Variants in LAMC2 observed in about 807,000 individuals in gnomAD.
LAMC2 encodes the protein laminin subunit gamma 2.
LAMC2 carries 97 observed loss-of-function variants against 140.2 expected under a neutral mutation model. That is an observed-to-expected ratio of 0.69 (90% confidence interval 0.59 to 0.82). The LOEUF (loss-of-function observed/expected upper bound fraction) is 0.82. LAMC2 is among the 40% of genes least tolerant of loss of function. The pLI is 0.00. For missense variants in LAMC2, 1,402 were observed against 1,476.1 expected (o/e 0.95, Z 0.82); for synonymous variants, 513 against 540.2 (o/e 0.95, Z 0.70).
chr1:183,226,798 G>C lies in LAMC2; in HGVS notation c.1167G>C (p.Lys389Asn). ...VEQCICPVGYKGQFCQDCASG... is the reference protein window; with the variant it reads ...VEQCICPVGYNGQFCQDCASG... The stretch of plus-strand genomic sequence containing the variant: ...AGTGTATATGTCCTGTTGGGTACAA[G>C]GGGCAATTCTGCCAGGATTGTGCTT... Residue 389 changes from lysine (K) to asparagine (N), a missense_variant, in exon 9 of 23, where the codon AAG becomes AAC. Around this residue, in one of 3 missense-constraint regions of LAMC2, gnomAD observed 723 missense variants for 783.3 expected, o/e 0.92. Coordinates refer to ENST00000264144, the MANE Select transcript of LAMC2 (RefSeq NM_005562.3). The C allele has an allele frequency of 6.2e-7, 1 of 1,614,198 alleles. No homozygotes were observed. Among genetic ancestry groups the C allele is most frequent in the Non-Finnish European group, 8.5e-7 (1 of 1,180,030 alleles).
chr1:183,225,473 C>T, intron 7 of LAMC2, 135 bp from the exon 8 acceptor site: 1 of 704,608 alleles, frequency 1.4e-6, no homozygotes, highest in South Asian at 1.5e-5. Flanking sequence ...GAAAAGGTGG[C>T]TCTCAGTCCT....
chr1:183,236,812 C>A (rs763019837), intron 17 of LAMC2, among the ~76,000 whole-genome samples: 8 of 152,154 alleles, frequency 5.3e-5, no homozygotes, highest in Non-Finnish European at 8.8e-5. Flanking sequence ...TTGACCCATG[C>A]TAAACCTATT....
Position 183,239,583 on chromosome 1 carries a change from T to C in LAMC2, c.3069+20T>C, listed in dbSNP as rs752048039. 1.2e-6 allele frequency: 2 copies of C among 1,601,112 alleles called. No homozygotes were observed. Among genetic ancestry groups the C allele is most frequent in the African/African-American group, 2.7e-5 (2 of 74,528 alleles). ...GAACAGGTAAAGAGAAATCGACATG[T>C]GTGTTGGTGCCAGTAGCACCAAACA... On this transcript the variant is annotated intron_variant, in intron 20 of 22. Coordinates refer to ENST00000264144, the MANE Select transcript of LAMC2 (RefSeq NM_005562.3).
chr1:183,228,317 G>A lies in LAMC2; in HGVS notation c.1469-57G>A, dbSNP rs114674625. 0.021 allele frequency: 33,727 copies of A among 1,612,936 alleles called. 1,102 individuals are homozygous for A. The highest frequency in any genetic ancestry group is 0.11 in the South Asian group (10,074 of 90,870). ...GTGACTCGCAACTTTAGGCCTCTGC[G>A]TCTGGTCTTCCTCCTGATGGATGTC... On this transcript the variant is annotated intron_variant, in intron 10 of 22. Coordinates refer to ENST00000264144, the MANE Select transcript of LAMC2 (RefSeq NM_005562.3). The surrounding 1 kb of genome is among the most constrained non-coding windows in gnomAD (Gnocchi z 4.3).
chr1:183,195,493 C>G (rs1343042738), intron 1 of LAMC2, among the ~76,000 whole-genome samples: 1 of 152,156 alleles, frequency 6.6e-6, no homozygotes, highest in African/African-American at 2.4e-5. Flanking sequence ...TCTGTCATTC[C>G]TCTCATCCTA....
chr1:183,243,612 A>G lies in LAMC2; in HGVS notation c.*212A>G. On this transcript the variant is annotated 3_prime_UTR_variant, in exon 23 of 23. Transcript: ENST00000264144. ...TTCCTGATGCTGGGCAATGAGGCAG[A>G]TAGCACTGGGTGTGAGAATGATCAA... 1 of 616,090 alleles carries G rather than the reference A, an allele frequency of 1.6e-6. No homozygotes were observed. 38.2% of individuals were successfully genotyped at this position (616,090 alleles called of 1,614,324 possible).
intron 1 of LAMC2, among the ~76,000 whole-genome samples, chr1:183,205,799 A>AGG (rs35202651): frequency 7.4e-6 from 1 of 135,518 alleles, no homozygotes; most frequent in Non-Finnish European, 1.7e-5. Flanking sequence ...AAAAGAGAGT[A>AGG]GGGGTGTGTG....
In LAMC2 at chr1:183,213,374, G is replaced by A. The variant is rs149659603; in HGVS notation, c.269-2079G>A. Reference sequence around the variant, plus strand: ...AAAGTCTTCATACAGGCACAGAACCGATATCTTTATCGATTTGAATTCTAC... The same window carrying A: ...AAAGTCTTCATACAGGCACAGAACCAATATCTTTATCGATTTGAATTCTAC... On this transcript the variant is annotated intron_variant, in intron 2 of 22. Coordinates refer to ENST00000264144, the MANE Select transcript of LAMC2 (RefSeq NM_005562.3). 4.7e-3 allele frequency among the ~76,000 whole-genome samples: 714 copies of A among 152,258 alleles called. 4 individuals are homozygous for A. Among genetic ancestry groups the A allele is most frequent in the Middle Eastern group, 0.024 (7 of 294 alleles).
rs369832570 is a variant in LAMC2 at position 183,223,138 on chromosome 1, A to T, written c.767A>T (p.Lys256Ile). ...LDPVYFVAPA[K>I]FLGNQQVSYG... ...CTTTTAAAACTCTGTTTCACAGCCA[A>T]ATTTCTTGGGAATCAACAGGTGAGC... Residue 256 changes from lysine to isoleucine, a missense_variant, in exon 7 of 23, where the codon AAA becomes ATA. This residue lies in a region of LAMC2 where 723 missense variants were observed against 783.3 expected (regional missense o/e 0.92). Coordinates refer to ENST00000264144, the MANE Select transcript of LAMC2 (RefSeq NM_005562.3). 2 of 1,614,020 alleles carry T rather than the reference A, an allele frequency of 1.2e-6. No individual in the cohort carries two copies. Among genetic ancestry groups the T allele is most frequent in the Non-Finnish European group, 8.5e-7 (1 of 1,179,988 alleles).
chr1:183,235,220 G>A (rs1659915950), intron 15 of LAMC2, among the ~76,000 whole-genome samples: 1 of 152,120 alleles, frequency 6.6e-6, no homozygotes, highest in African/African-American at 2.4e-5. Context: ...CGTAAAGGTT[G>A]GATCCTGGGT....
intron 1 of LAMC2, among the ~76,000 whole-genome samples, chr1:183,190,111 T>C (rs1366342722): frequency 6.6e-6 from 1 of 152,182 alleles, no homozygotes; most frequent in Non-Finnish European, 1.5e-5. Context: ...TTGTGGCACA[T>C]TTATATTTTG....
In LAMC2 at chr1:183,232,195, G is replaced by C. The variant is rs1352726526; in HGVS notation, c.1866G>C (p.Gln622His). The C allele has an allele frequency of 6.2e-7, 1 of 1,613,748 alleles. No individual in the cohort carries two copies. The highest frequency in any genetic ancestry group is 8.5e-7 in the Non-Finnish European group (1 of 1,180,006). ...TTCCTGTGTGGTTTCAGATGGATCA[G>C]TTTATGCAGCAGCTTCAGAGAATGG... ...CYNQVKIQMD[Q>H]FMQQLQRMEA... Residue 622 changes from glutamine (Q) to histidine (H), a missense_variant, in exon 13 of 23, where the codon CAG (glutamine) becomes CAC (histidine). Transcript: ENST00000264144.
chr1:183,197,134 A>C (rs1658544291), intron 1 of LAMC2, among the ~76,000 whole-genome samples: 1 of 152,192 alleles, frequency 6.6e-6, no homozygotes, highest in South Asian at 2.1e-4. Flanking sequence ...CAGGGAATTC[A>C]GCTAAGAAGT....
chr1:183,208,782 C>T (rs536867331), intron 2 of LAMC2, among the ~76,000 whole-genome samples: 8 of 152,068 alleles, frequency 5.3e-5, no homozygotes, highest in Non-Finnish European at 1.0e-4. Context: ...TAGGTTCAAG[C>T]GATTCCCCTG....
intron 3 of LAMC2, among the ~76,000 whole-genome samples, chr1:183,217,200 A>C (rs3768599): frequency 0.26 from 38,850 of 152,014 alleles, 5,732 homozygotes; most frequent in African/African-American, 0.38. Flanking sequence ...GGAACGGATC[A>C]GTAGAGAAGA....
At chr1:183,240,470 C>T (rs1276184361) in intron 22 of LAMC2, 79 bp downstream of exon 22, 37 of 1,572,876 alleles carry the variant, frequency 2.4e-5, no homozygotes, top group Non-Finnish European at 2.5e-5. Flanking sequence ...TACCTAGCCC[C>T]AGCAAAGGGG....
Position 183,238,383 on chromosome 1 carries a change from C to G in LAMC2, c.2831C>G (p.Thr944Ser), listed in dbSNP as rs772518215. ...GAAGCACTGAGTATGGGCAATGCCACTTTTTATGAAGTTGAGAGCATCCTT... is the reference window on the plus strand; with the variant it reads ...GAAGCACTGAGTATGGGCAATGCCAGTTTTTATGAAGTTGAGAGCATCCTT... Reference protein sequence around the residue: ...AQEALSMGNATFYEVESILKN... With the variant: ...AQEALSMGNASFYEVESILKN... The change falls in exon 19 of 23, where the codon ACT becomes AGT. Residue 944 changes from threonine (T) to serine (S), a missense_variant. Around this residue, in one of 3 missense-constraint regions of LAMC2, gnomAD observed 670 missense variants for 667.2 expected, o/e 1.00. Coordinates refer to ENST00000264144, the MANE Select transcript of LAMC2 (RefSeq NM_005562.3). The G allele has an allele frequency of 1.9e-6, 3 of 1,613,932 alleles. No homozygotes were observed. In the East Asian group the frequency reaches 6.7e-5, roughly 36 times the overall value.
chr1:183,238,460 G>T, intron 19 of LAMC2, 39 bp downstream of exon 19: 1 of 1,398,400 alleles, frequency 7.2e-7, no homozygotes, highest in South Asian at 1.2e-5. Context: ...AGTATTTTAA[G>T]TGTATAGTCA....
the LAMC2 span, among the ~76,000 whole-genome samples, chr1:183,257,373 G>A: frequency 4.6e-4 from 70 of 152,138 alleles, 1 homozygote; most frequent in Non-Finnish European, 7.5e-4. Context: ...CCCGGGACGC[G>A]GAGGTTGCAG....
Sources: gnomAD v4.1 joint callset for allele counts (sites outside exome capture counted in the v4.1 genomes callset) on GRCh38, gnomAD v4.1.1 for gene constraint, gnomAD v4.1.1 regional missense constraint, Gnocchi (gnomAD v3.1) non-coding constraint, MANE v1.5 for transcripts, NCBI Gene and HGNC (gene_info 2026-07-23, HGNC 2026-07-21) for gene names.